Variants in ENPP2 observed in about 807,000 individuals in gnomAD.
ENPP2 encodes ectonucleotide pyrophosphatase/phosphodiesterase 2.
ENPP2 carries 51 observed loss-of-function variants against 120.2 expected under a neutral mutation model. The ratio of observed to expected loss-of-function variants is 0.42; its 90% CI spans 0.34 to 0.54. ENPP2 has a LOEUF of 0.54. ENPP2 is among the 20% of genes least tolerant of loss of function. The pLI is 0.04. For missense variants in ENPP2, 920 were observed against 1,066.5 expected (o/e 0.86, Z 1.91); for synonymous variants, 365 against 366.4 (o/e 1.00, Z 0.04).
rs185569316 is a variant in ENPP2, at chr8:119,664,640, C to T, written c.21+8612G>A. 2.6e-5 allele frequency among the ~76,000 whole-genome samples: 4 copies of T among 152,200 alleles called. No individual in the cohort carries two copies. In the East Asian group the frequency reaches 7.7e-4, roughly 29 times the overall value. On this transcript the variant is annotated intron_variant, in intron 1 of 25. Transcript: ENST00000427067. ...CTCCATATAACAAAGTAGTGGGTGG[C>T]TTACACAATGAAATGTATCAGCTAG...
At chr8:119,587,610 A>T (rs1310411931) in intron 13 of ENPP2, among the ~76,000 whole-genome samples, 1 of 152,184 alleles carries the variant, frequency 6.6e-6, no homozygotes, top group African/African-American at 2.4e-5. Flanking sequence ...GCACCTCTCC[A>T]GCCATAGACA....
chr8:119,649,401 CAA>C (rs755896948), intron 1 of ENPP2, among the ~76,000 whole-genome samples: 13 of 76,218 alleles, frequency 1.7e-4, no homozygotes, highest in Admixed American at 2.8e-4. Flanking sequence ...GACTCCATCT[CAA>C]AAAAAAAAAA....
intron 9 of ENPP2, among the ~76,000 whole-genome samples, chr8:119,605,905 C>T (rs1207893940): frequency 4.6e-5 from 7 of 152,314 alleles, no homozygotes; most frequent in Middle Eastern, 3.4e-3. Flanking sequence ...ATGGGAATTA[C>T]TGTCTTTGAA....
rs190305852 is a variant in ENPP2, at chr8:119,624,191, C to A, written c.292+2374G>T. ...TTAATAAGCTATGTTTATTGAGGAA[C>A]TATTGTCTTTATGTACAAATGAAAT... On this transcript the variant is annotated intron_variant, in intron 3 of 24. Coordinates refer to ENST00000075322, the MANE Select transcript of ENPP2 (RefSeq NM_001040092.3). 3.5e-3 allele frequency among the ~76,000 whole-genome samples: 532 copies of A among 152,180 alleles called. 5 individuals carry two copies. Among genetic ancestry groups the A allele is most frequent in the Middle Eastern group, 0.01 (3 of 294 alleles).
chr8:119,629,688 C>T (rs1427945086), intron 2 of ENPP2, among the ~76,000 whole-genome samples: 1 of 152,100 alleles, frequency 6.6e-6, no homozygotes, highest in Non-Finnish European at 1.5e-5. Flanking sequence ...ATTTCCAATG[C>T]AGTGGTCCAT....
intron 8 of ENPP2, among the ~76,000 whole-genome samples, chr8:119,614,954 C>T (rs1237268003): frequency 6.6e-6 from 1 of 152,060 alleles, no homozygotes; most frequent in Non-Finnish European, 1.5e-5. Flanking sequence ...TGCAGATGTA[C>T]AAGAAGTCTT....
intron 8 of ENPP2, among the ~76,000 whole-genome samples, chr8:119,615,664 A>T (rs1038193882): frequency 5.3e-5 from 8 of 152,232 alleles, no homozygotes; most frequent in Non-Finnish European, 1.0e-4. Flanking sequence ...AAATAAAAAA[A>T]TTCATGAATT....
intron 22 of ENPP2, among the ~76,000 whole-genome samples, chr8:119,565,829 C>T (rs74764522): frequency 6.6e-6 from 1 of 151,996 alleles, no homozygotes; most frequent in Non-Finnish European, 1.5e-5. Flanking sequence ...CGTAGCCAGA[C>T]GGAGCCTTTT....
intron 1 of ENPP2, among the ~76,000 whole-genome samples, chr8:119,659,553 C>A (rs1174102011): frequency 6.6e-6 from 1 of 152,140 alleles, no homozygotes; most frequent in Non-Finnish European, 1.5e-5. Context: ...TACATCATAT[C>A]CATCCATTGA....
chr8:119,568,094 CAG>C, intron 22 of ENPP2, 79 bp downstream of exon 22: 1 of 771,700 alleles, frequency 1.3e-6, no homozygotes, highest in Non-Finnish European at 2.3e-6. Context: ...TTAAAATTAA[CAG>C]AGGTAGAAAA....
At chr8:119,593,959 T>C in intron 11 of ENPP2, 99 bp from the exon 12 acceptor site, 1 of 767,634 alleles carries the variant, frequency 1.3e-6, no homozygotes, top group Non-Finnish European at 2.3e-6. Flanking sequence ...GAAAGAAAAC[T>C]TCCGGCCCAG....
intron 1 of ENPP2, among the ~76,000 whole-genome samples, chr8:119,663,314 A>G (rs1224064891): frequency 6.6e-6 from 1 of 152,254 alleles, no homozygotes; most frequent in East Asian, 1.9e-4. Context: ...TAATTTTCAT[A>G]GACTTTTAAA....
intron 1 of ENPP2, among the ~76,000 whole-genome samples, chr8:119,656,243 G>C (rs781333413): frequency 1.1e-4 from 17 of 151,982 alleles, no homozygotes; most frequent in Non-Finnish European, 2.4e-4. Context: ...TAAAAATTCA[G>C]AAACCCTTAT....
chr8:119,570,865 G>A, intron 19 of ENPP2, 24 bp from the exon 20 acceptor site: 1 of 1,475,562 alleles, frequency 6.8e-7, no homozygotes, highest in Non-Finnish European at 9.0e-7. Flanking sequence ...AAAATAAACT[G>A]TGTTAGGTGC....
At chr8:119,636,271 C>T (rs369626403) in intron 2 of ENPP2, among the ~76,000 whole-genome samples, 4 of 152,274 alleles carry the variant, frequency 2.6e-5, no homozygotes, top group East Asian at 3.9e-4. Flanking sequence ...AGCATTTAAA[C>T]GCATAAAGAT....
intron 3 of ENPP2, among the ~76,000 whole-genome samples, chr8:119,623,429 C>A (rs922213179): frequency 6.6e-6 from 1 of 152,052 alleles, no homozygotes; most frequent in African/African-American, 2.4e-5. Flanking sequence ...CATGCCATTG[C>A]ACTCCAGCAT....
chr8:119,568,745 C>G (rs554954748), intron 21 of ENPP2, among the ~76,000 whole-genome samples: 8 of 152,098 alleles, frequency 5.3e-5, no homozygotes, highest in African/African-American at 1.9e-4. Context: ...GGACTACTGG[C>G]GTGTGCCACC....
At chr8:119,618,102 T>A (rs1053604832) in intron 5 of ENPP2, 1 of 344,190 alleles carries the variant, frequency 2.9e-6, no homozygotes, top group Non-Finnish European at 5.7e-6. Context: ...AAGGTACAGA[T>A]TAAGAAGTCA....
intron 23 of ENPP2, 67 bp from the exon 24 acceptor site, chr8:119,563,080 G>T: frequency 1.4e-6 from 2 of 1,395,250 alleles, no homozygotes; most frequent in Non-Finnish European, 2.0e-6. Flanking sequence ...TTTTTAAATG[G>T]TGATCAATGA....
Sources: gnomAD v4.1 joint callset for allele counts (sites outside exome capture counted in the v4.1 genomes callset) on GRCh38, gnomAD v4.1.1 for gene constraint, MANE v1.5 for transcripts, NCBI Gene and HGNC (gene_info 2026-07-23, HGNC 2026-07-21) for gene names.